Variants in POU6F2 observed in about 807,000 individuals in gnomAD.
POU6F2 encodes the protein POU domain, class 6, transcription factor 2.
POU6F2 carries 31 observed loss-of-function variants against 71.3 expected under a neutral mutation model. That is an observed-to-expected ratio of 0.43 (90% CI 0.33 to 0.59). The LOEUF is 0.59. POU6F2 is among the 20% of genes least tolerant of loss of function. The pLI, the probability that POU6F2 is intolerant of heterozygous loss-of-function variation, is 0.04. For synonymous variants in POU6F2, 347 were observed against 355.7 expected (o/e 0.98, Z 0.27); for missense variants, 783 against 856.8 (o/e 0.91, Z 1.07).
Position 39,214,397 on chromosome 7 carries a change from A to T in POU6F2, c.598+6777A>T, listed in dbSNP as rs534423925. Among the ~76,000 whole-genome samples, 92 of 151,910 alleles carry T rather than the reference A, an allele frequency of 6.1e-4. 2 individuals carry two copies. In the South Asian group the frequency reaches 0.019, roughly 32 times the overall value. On this transcript the variant is annotated intron_variant, in intron 4 of 9. Transcript: ENST00000518318. ...TTTCTGCATTTTCTTTTTCCCTAAC[A>T]CTTAGGACCTTTTACAAAATCTCAA...
intron 1 of POU6F2, among the ~76,000 whole-genome samples, chr7:39,065,236 A>G (rs1790732908): frequency 6.6e-6 from 1 of 151,708 alleles, no homozygotes. Context: ...ATAATAGAGA[A>G]CAAATTTGTA....
intron 1 of POU6F2, among the ~76,000 whole-genome samples, chr7:39,026,171 C>G (rs1385503422): frequency 6.6e-6 from 1 of 151,622 alleles, no homozygotes; most frequent in Non-Finnish European, 1.5e-5. Context: ...ACTAGTTCAA[C>G]CATTGTGGAA....
intron 2 of POU6F2, among the ~76,000 whole-genome samples, chr7:39,187,997 C>T (rs1369238257): frequency 6.6e-6 from 1 of 152,192 alleles, no homozygotes; most frequent in Non-Finnish European, 1.5e-5. Context: ...TTCAATGCTT[C>T]CTTCTTTCCT....
intron 4 of POU6F2, among the ~76,000 whole-genome samples, chr7:39,320,868 A>G (rs1785374731): frequency 6.6e-6 from 1 of 152,148 alleles, no homozygotes; most frequent in African/African-American, 2.4e-5. Context: ...CAGCCTGGCC[A>G]ACATAGTGAG....
chr7:39,440,540 A>G (rs181458552), intron 7 of POU6F2, among the ~76,000 whole-genome samples: 2 of 152,234 alleles, frequency 1.3e-5, no homozygotes, highest in Non-Finnish European at 2.9e-5. Context: ...CCATCTGGTC[A>G]TTTATGTTCC....
chr7:39,003,925 A>C (rs1788984950), intron 1 of POU6F2, among the ~76,000 whole-genome samples: 1 of 152,184 alleles, frequency 6.6e-6, no homozygotes, highest in Non-Finnish European at 1.5e-5. Flanking sequence ...AAAGTGTAGA[A>C]AAAAAGACCA....
At chr7:39,278,213 C>T (rs894725903) in intron 4 of POU6F2, among the ~76,000 whole-genome samples, 2 of 151,964 alleles carry the variant, frequency 1.3e-5, no homozygotes, top group African/African-American at 2.4e-5. Context: ...GCAGAGAAGG[C>T]GTTTCGGAAA....
intron 4 of POU6F2, among the ~76,000 whole-genome samples, chr7:39,210,526 C>G (rs1562748247): frequency 1.3e-5 from 2 of 152,194 alleles, no homozygotes; most frequent in East Asian, 3.8e-4. Context: ...CATCCCCTAT[C>G]AAGTCACACA....
chr7:39,124,020 C>T (rs920899412), intron 2 of POU6F2, among the ~76,000 whole-genome samples: 1 of 150,674 alleles, frequency 6.6e-6, no homozygotes, highest in Non-Finnish European at 1.5e-5. Context: ...CCTTGTTTTA[C>T]CTTACTTTCC....
intron 5 of POU6F2, among the ~76,000 whole-genome samples, chr7:39,390,806 C>A (rs1787058564): frequency 6.6e-6 from 1 of 151,828 alleles, no homozygotes; most frequent in African/African-American, 2.4e-5. Context: ...TTGGGCAACG[C>A]AGAGTTAAAC....
chr7:39,215,533 G>C (rs775051214), intron 4 of POU6F2, among the ~76,000 whole-genome samples: 1 of 152,040 alleles, frequency 6.6e-6, no homozygotes, highest in Non-Finnish European at 1.5e-5. Context: ...ATTTATTTTT[G>C]TTTTTCTATT....
At chr7:39,332,508 T>C (rs1346102271) in intron 4 of POU6F2, among the ~76,000 whole-genome samples, 3 of 152,200 alleles carry the variant, frequency 2.0e-5, no homozygotes, top group East Asian at 1.9e-4. Context: ...TCTAAGTCTT[T>C]GTAAGTTCCA....
chr7:39,172,618 C>G (rs1793242234), intron 2 of POU6F2, among the ~76,000 whole-genome samples: 1 of 138,566 alleles, frequency 7.2e-6, no homozygotes, highest in East Asian at 2.2e-4. Flanking sequence ...CTCTTCAGGT[C>G]CCCCTCCTTT....
chr7:39,087,948 T>G (rs777727145), intron 2 of POU6F2, among the ~76,000 whole-genome samples: 1 of 152,166 alleles, frequency 6.6e-6, no homozygotes, highest in African/African-American at 2.4e-5. Flanking sequence ...TCAAAGAGAT[T>G]TGAATTAAAA....
rs201444418 is a variant in POU6F2 at position 39,399,860 on chromosome 7, C to CA, written c.973-6729dup. On this transcript the variant is annotated intron_variant, in intron 5 of 9. Coordinates refer to ENST00000518318, the MANE Select transcript of POU6F2 (RefSeq NM_001370959.1). Reference sequence around the variant, plus strand: ...GGGAGACCCTGTCTCAAGAATGTAACAAAAAAAAAAAGAAAGAAAGAAAGA... The same window carrying CA: ...GGGAGACCCTGTCTCAAGAATGTAACAAAAAAAAAAAAGAAAGAAAGAAAGA... Among the ~76,000 whole-genome samples the CA allele has an allele frequency of 5.5e-3, 520 of 94,678 alleles. 8 individuals are homozygous for CA. Among genetic ancestry groups the CA allele is most frequent in the South Asian group, 0.019 (59 of 3,072 alleles). 62.1% of individuals were successfully genotyped at this position (94,678 alleles called of 152,430 possible).
intron 2 of POU6F2, among the ~76,000 whole-genome samples, chr7:39,175,463 C>T (rs1478220872): frequency 6.6e-6 from 1 of 152,132 alleles, no homozygotes; most frequent in African/African-American, 2.4e-5. Context: ...CCAGGAAAAT[C>T]AAGACAGGTG....
intron 6 of POU6F2, among the ~76,000 whole-genome samples, chr7:39,427,097 C>G (rs1199428990): frequency 5.9e-5 from 9 of 152,018 alleles, no homozygotes; most frequent in African/African-American, 9.7e-5. Flanking sequence ...GTGTAAATGC[C>G]CAGGAGTTAC....
chr7:39,109,552 A>G (rs149185145), intron 2 of POU6F2, among the ~76,000 whole-genome samples: 153 of 152,214 alleles, frequency 1.0e-3, no homozygotes, highest in African/African-American at 3.4e-3. Flanking sequence ...TGCTTGATGG[A>G]GATTTTAGCT....
At chr7:39,136,471 G>A (rs762130073) in intron 2 of POU6F2, among the ~76,000 whole-genome samples, 1 of 152,194 alleles carries the variant, frequency 6.6e-6, no homozygotes, top group Non-Finnish European at 1.5e-5. Context: ...AAAATAGTAT[G>A]CACCAACGTC....
Sources: allele counts gnomAD v4.1 joint callset (sites outside exome capture counted in the v4.1 genomes callset), GRCh38; gene constraint gnomAD v4.1.1; transcripts MANE v1.5; gene names NCBI Gene and HGNC (gene_info 2026-07-23, HGNC 2026-07-21).